TSPEAR: variants seen among roughly 807,000 people sequenced by gnomAD.
The protein encoded by TSPEAR is thrombospondin type laminin G domain and EAR repeats, also known as thrombospondin-type laminin G domain and EAR repeat-containing protein.
TSPEAR carries 69 observed loss-of-function variants against 71.6 expected under a neutral mutation model. That is an observed-to-expected ratio of 0.96 (90% CI 0.79 to 1.18). The LOEUF (loss-of-function observed/expected upper bound fraction) is 1.18. Ranked by LOEUF, TSPEAR falls within the 50% of genes most tolerant of loss-of-function variation. The pLI, the probability that TSPEAR is intolerant of heterozygous loss-of-function variation, is 0.00. For missense variants in TSPEAR, 971 were observed against 894.9 expected (o/e 1.09, Z -1.09); for synonymous variants, 402 against 387.2 (o/e 1.04, Z -0.45).
At chr21:44,658,132 G>A in intron 1 of TSPEAR, 4 of 1,613,824 alleles carry the variant, frequency 2.5e-6, no homozygotes, top group Non-Finnish European at 3.4e-6. Context: ...CCTCCTGCCA[G>A]CCCTCCGTGT....
At chr21:44,510,239 G>C (rs1202904922) in intron 9 of TSPEAR, among the ~76,000 whole-genome samples, 3 of 152,160 alleles carry the variant, frequency 2.0e-5, no homozygotes, top group African/African-American at 4.8e-5. Context: ...CCTGGGGACA[G>C]TGTCCCCACA....
chr21:44,509,762 T>TGCCCC (rs1405082053), intron 9 of TSPEAR: 131 of 262,358 alleles, frequency 5.0e-4, no homozygotes, highest in Admixed American at 2.9e-3. Context: ...TGCCCAGCCC[T>TGCCCC]GCCCCTAGCG....
At chr21:44,657,047 G>T (rs993329590) in intron 1 of TSPEAR, among the ~76,000 whole-genome samples, 2 of 151,880 alleles carry the variant, frequency 1.3e-5, no homozygotes, top group South Asian at 2.1e-4. Flanking sequence ...CAGGATTCCT[G>T]CCTCCCCTGG....
At position 44,710,531 on chromosome 21, in the gene TSPEAR, C is replaced by T. The variant is rs1424113445; in HGVS notation, c.82+902G>A. Among the ~76,000 whole-genome samples, 1 of 152,114 alleles carries T rather than the reference C, an allele frequency of 6.6e-6. No individual in the cohort carries two copies. The highest frequency in any genetic ancestry group is 1.5e-5 in the Non-Finnish European group (1 of 68,012). On this transcript the variant is annotated intron_variant, in intron 1 of 11. Coordinates refer to ENST00000323084, the MANE Select transcript of TSPEAR (RefSeq NM_144991.3). This position sits in a 1 kb window ranked among gnomAD's most constrained non-coding sequence, Gnocchi z 4.6. Reference sequence around the variant, plus strand: ...TGCCATCCGAGCAGAGAGCTGTGGCCCGGTGCCGGGGGTGGACTTCATCTA... The same window carrying T: ...TGCCATCCGAGCAGAGAGCTGTGGCTCGGTGCCGGGGGTGGACTTCATCTA...
intron 9 of TSPEAR, chr21:44,517,527 A>C (rs1160851200): frequency 3.9e-5 from 13 of 335,224 alleles, no homozygotes; most frequent in Non-Finnish European, 7.7e-5. Flanking sequence ...AGGACACGTG[A>C]GTACAGGTCC....
At chr21:44,632,628 G>C (rs1983319534) in intron 1 of TSPEAR, among the ~76,000 whole-genome samples, 1 of 152,184 alleles carries the variant, frequency 6.6e-6, no homozygotes, top group East Asian at 1.9e-4. Context: ...AAGGTCAAGG[G>C]TTTGAGACCA....
At chr21:44,600,478 G>GC (rs1359120713) in intron 1 of TSPEAR, 1 of 955,996 alleles carries the variant, frequency 1.0e-6, no homozygotes, top group African/African-American at 1.6e-5. Flanking sequence ...CAAGGAAGGG[G>GC]CAGGAGTTGT....
At chr21:44,574,880 C>A (rs782801901) in intron 1 of TSPEAR, 7 of 1,612,796 alleles carry the variant, frequency 4.3e-6, no homozygotes, top group Non-Finnish European at 5.1e-6. Flanking sequence ...CCGCCTGCTG[C>A]GTGCCCGTCC....
At chr21:44,692,314 T>C (rs1263440516) in intron 1 of TSPEAR, among the ~76,000 whole-genome samples, 17 of 152,222 alleles carry the variant, frequency 1.1e-4, no homozygotes, top group Admixed American at 1.1e-3. Context: ...ATGTCCCTTT[T>C]CACCACCAAT....
intron 2 of TSPEAR, chr21:44,539,305 G>C (rs782055702): frequency 6.2e-7 from 1 of 1,608,972 alleles, no homozygotes; most frequent in Admixed American, 1.7e-5. Context: ...AGAGGCCTCA[G>C]CAGGCCGGGC....
chr21:44,627,399 G>A lies in TSPEAR; in HGVS notation c.83-59394C>T, dbSNP rs587756624. 45 of 1,613,984 alleles carry A rather than the reference G, an allele frequency of 2.8e-5. No individual in the cohort carries two copies. In the East Asian group the frequency reaches 4.7e-4, roughly 17 times the overall value. ...AATCAGGCTGCACCAGCTCCTGCAC[G>A]CCCTCGTGCTGCCAGCAGTCTAGCT... On this transcript the variant is annotated intron_variant, in intron 1 of 11. Transcript: ENST00000323084.
rs587629587 is a variant in TSPEAR at position 44,610,817 on chromosome 21, G to T, written c.83-42812C>A. On this transcript the variant is annotated intron_variant, in intron 1 of 11. Transcript: ENST00000323084. ...CAGGGGTGGAGCTGTCCGAGACCAT[G>T]GGAACCCACCTCTTGCATCATTATG... Among the ~76,000 whole-genome samples, 3 of 152,344 alleles carry T rather than the reference G, an allele frequency of 2.0e-5. No homozygotes were observed. In the East Asian group the frequency reaches 5.8e-4, roughly 29 times the overall value.
At position 44,697,066 on chromosome 21, in the gene TSPEAR, C is replaced by A. The variant is rs550199031; in HGVS notation, c.82+14367G>T. 7 of 1,207,878 alleles carry A rather than the reference C, an allele frequency of 5.8e-6. No individual in the cohort carries two copies. In the Admixed American group the frequency reaches 2.1e-4, roughly 37 times the overall value. The allele number at this position is 1,207,878 out of a possible 1,614,324, so 74.8% of individuals were successfully genotyped here. ...CCCTCCTGCCCATCCAGCACCCAGACGCTCACTCACTCCCTCCCTCCTGCC... is the reference window on the plus strand; with the variant it reads ...CCCTCCTGCCCATCCAGCACCCAGAAGCTCACTCACTCCCTCCCTCCTGCC... On this transcript the variant is annotated intron_variant, in intron 1 of 11. Coordinates refer to ENST00000323084, the MANE Select transcript of TSPEAR (RefSeq NM_144991.3).
In TSPEAR at chr21:44,529,886, G is replaced by A. The variant is rs117791519; in HGVS notation, c.702C>T (p.Asn234=). 9,142 of 1,613,222 alleles carry A rather than the reference G, an allele frequency of 5.7e-3. 32 individuals are homozygous for A. The highest frequency in any genetic ancestry group is 7.2e-3 in the Non-Finnish European group (8,486 of 1,179,862). ...GGATGGACAGCACCGCCAGCGGGGC[G>A]TTCCTGCTGGGACACAGCCTTGGGG... ...DATPRLCPSR[N]APLAVLSIPR... Residue 234 remains asparagine (N), a synonymous_variant, in exon 5 of 12, where the codon AAC becomes AAT. Transcript: ENST00000323084.
At chr21:44,709,392 C>T (rs1324616702) in intron 1 of TSPEAR, among the ~76,000 whole-genome samples, 2 of 152,250 alleles carry the variant, frequency 1.3e-5, no homozygotes, top group African/African-American at 4.8e-5. Flanking sequence ...TTGCTGCCCA[C>T]GGGGCTGGAG....
intron 1 of TSPEAR, among the ~76,000 whole-genome samples, chr21:44,621,974 AT>A (rs1256101560): frequency 6.6e-6 from 1 of 151,874 alleles, no homozygotes; most frequent in Non-Finnish European, 1.5e-5. Context: ...AGCCACTGAC[AT>A]TTTTTTTGGT....
At chr21:44,556,842 G>A (rs1432948295) in intron 2 of TSPEAR, among the ~76,000 whole-genome samples, 2 of 152,158 alleles carry the variant, frequency 1.3e-5, no homozygotes, top group Non-Finnish European at 2.9e-5. Context: ...AGAATTACAG[G>A]ATTACAGGCC....
chr21:44,517,460 G>T, intron 9 of TSPEAR: 1 of 271,362 alleles, frequency 3.7e-6, no homozygotes, highest in Non-Finnish European at 7.3e-6. Flanking sequence ...CTGTGAGGAC[G>T]TGAGCACAGG....
chr21:44,592,789 C>G (rs1302916517), intron 1 of TSPEAR, among the ~76,000 whole-genome samples: 2 of 152,174 alleles, frequency 1.3e-5, no homozygotes, highest in Non-Finnish European at 2.9e-5. Flanking sequence ...ATCGTCCACC[C>G]CTGGCCCCAG....
Sources: gnomAD v4.1 joint callset for allele counts (sites outside exome capture counted in the v4.1 genomes callset) on GRCh38, gnomAD v4.1.1 for gene constraint, Gnocchi (gnomAD v3.1) non-coding constraint, MANE v1.5 for transcripts, NCBI Gene and HGNC (gene_info 2026-07-23, HGNC 2026-07-21) for gene names.